KCNIP4: variants seen among roughly 807,000 people sequenced by gnomAD.
KCNIP4 encodes potassium voltage-gated channel interacting protein 4.
KCNIP4 carries 12 observed loss-of-function variants against 34.0 expected under a neutral mutation model. That is an observed-to-expected ratio of 0.35 (90% CI 0.23 to 0.57). The LOEUF (loss-of-function observed/expected upper bound fraction) is 0.57. Ranked by LOEUF, KCNIP4 falls within the 20% of genes least tolerant of loss-of-function variation. The pLI is 0.83. For missense variants in KCNIP4, 238 were observed against 311.7 expected, an observed-to-expected ratio of 0.76 and a Z score of 1.78; for synonymous variants, 124 against 102.2, an observed-to-expected ratio of 1.21 and a Z score of -1.29.
chr4:21,289,380 T>C (rs13147492), intron 1 of KCNIP4, among the ~76,000 whole-genome samples: 37,601 of 152,078 alleles, frequency 0.25, 5,403 homozygotes, highest in South Asian at 0.36. Context: ...TATCAAACAC[T>C]AGATTTTATT....
At chr4:21,370,840 TATATATATATAC>T (rs1232223976) in intron 1 of KCNIP4, among the ~76,000 whole-genome samples, 28 of 28,422 alleles carry the variant, frequency 9.9e-4, no homozygotes, top group African/African-American at 2.8e-3. Context: ...TATATATATA[TATATATATATAC>T]ACACACACAC....
intron 3 of KCNIP4, among the ~76,000 whole-genome samples, chr4:20,832,886 G>A (rs929081107): frequency 2.0e-5 from 3 of 152,166 alleles, no homozygotes; most frequent in Non-Finnish European, 4.4e-5. Context: ...CTGCTCTAGT[G>A]AACTGGTCCT....
chr4:21,622,938 T>C (rs1399156991), intron 1 of KCNIP4, among the ~76,000 whole-genome samples: 1 of 150,442 alleles, frequency 6.6e-6, no homozygotes. Context: ...TCAAATACAA[T>C]AGGTGAAAAT....
In KCNIP4 at chr4:20,892,406, T is replaced by C. The variant is rs542133430; in HGVS notation, c.62-9697A>G. ...ATCTGTCTTTCTGTCTCTGTCTCAC[T>C]CTTTCTTAGTCTTTGTGCCTTTGCT... On this transcript the variant is annotated intron_variant, in intron 1 of 8. Transcript: ENST00000382152. 2.6e-5 allele frequency among the ~76,000 whole-genome samples: 4 copies of C among 152,282 alleles called. No homozygotes were observed. In the South Asian group the frequency reaches 8.3e-4, roughly 32 times the overall value.
chr4:20,955,346 G>A (rs1398822811), intron 1 of KCNIP4, among the ~76,000 whole-genome samples: 1 of 152,214 alleles, frequency 6.6e-6, no homozygotes, highest in African/African-American at 2.4e-5. Flanking sequence ...ACAGAGTACA[G>A]TGGGTCTCTA....
At position 21,710,558 on chromosome 4, in the gene KCNIP4, A is replaced by G. The variant is rs551961049; in HGVS notation, c.61+238013T>C. ...TTGTACTAAAAGCTTTTTTAAATGC[A>G]TGCTGCAAATTCATATGCAGATCCA... is the stretch of plus-strand genomic sequence containing the variant. On this transcript the variant is annotated intron_variant, in intron 1 of 8. Coordinates refer to ENST00000382152, the MANE Select transcript of KCNIP4 (RefSeq NM_025221.6). Among the ~76,000 whole-genome samples the G allele has an allele frequency of 2.6e-5, 4 of 152,306 alleles. No individual in the cohort carries two copies. In the East Asian group the frequency reaches 5.8e-4, roughly 22 times the overall value.
intron 1 of KCNIP4, among the ~76,000 whole-genome samples, chr4:21,684,905 T>C (rs1256065205): frequency 6.6e-6 from 1 of 152,044 alleles, no homozygotes; most frequent in African/African-American, 2.4e-5. Flanking sequence ...AATTGAACAA[T>C]AAAAACAAAC....
chr4:21,447,247 G>T (rs968207959), intron 1 of KCNIP4, among the ~76,000 whole-genome samples: 5 of 152,160 alleles, frequency 3.3e-5, no homozygotes, highest in African/African-American at 1.2e-4. Context: ...GAGACTTGAA[G>T]ATGCTGGCCA....
intron 1 of KCNIP4, among the ~76,000 whole-genome samples, chr4:21,680,678 A>G (rs191071892): frequency 1.1e-3 from 173 of 152,356 alleles, no homozygotes; most frequent in African/African-American, 3.7e-3. Context: ...AGGCATGAAA[A>G]TAACATTAAT....
rs76732044 is a variant in KCNIP4 at position 20,843,452 on chromosome 4, G to A, written c.288+7091C>T. On this transcript the variant is annotated intron_variant, in intron 3 of 8. Coordinates refer to ENST00000382152, the MANE Select transcript of KCNIP4 (RefSeq NM_025221.6). ...TGAGTTTAAAATTTGAAAGAAGGCC[G>A]GGCATAGTGGCTCATGCTTGTAATC... Among the ~76,000 whole-genome samples the A allele has an allele frequency of 2.5e-3, 378 of 152,242 alleles. 1 individual carries two copies. The highest frequency in any genetic ancestry group is 8.6e-3 in the African/African-American group (357 of 41,550).
chr4:21,227,257 A>G (rs762878881), intron 1 of KCNIP4, among the ~76,000 whole-genome samples: 3 of 152,146 alleles, frequency 2.0e-5, no homozygotes, highest in African/African-American at 2.4e-5. Context: ...TGTTGGGTCA[A>G]GGACACCAGG....
intron 1 of KCNIP4, among the ~76,000 whole-genome samples, chr4:21,267,958 A>G (rs34133039): frequency 4.0e-5 from 6 of 151,844 alleles, no homozygotes; most frequent in South Asian, 2.1e-4. Context: ...GGTAGAATTC[A>G]GCTGTGAATC....
chr4:20,899,777 C>A (rs1010274131), intron 1 of KCNIP4, among the ~76,000 whole-genome samples: 1 of 152,126 alleles, frequency 6.6e-6, no homozygotes, highest in South Asian at 2.1e-4. Flanking sequence ...TGCAGATAAA[C>A]TCTGGACATC....
intron 3 of KCNIP4, among the ~76,000 whole-genome samples, chr4:20,818,026 T>A (rs1716626533): frequency 6.6e-6 from 1 of 152,186 alleles, no homozygotes; most frequent in Non-Finnish European, 1.5e-5. Flanking sequence ...CAGGGTTAAC[T>A]GAAAATAAAT....
intron 1 of KCNIP4, among the ~76,000 whole-genome samples, chr4:21,622,306 T>C (rs971881058): frequency 1.3e-5 from 2 of 152,186 alleles, no homozygotes; most frequent in East Asian, 3.9e-4. Flanking sequence ...CTTCTGAGTA[T>C]GTTAATTGAG....
chr4:21,820,086 T>C (rs1480413657), intron 1 of KCNIP4, among the ~76,000 whole-genome samples: 1 of 151,548 alleles, frequency 6.6e-6, no homozygotes, highest in Admixed American at 6.6e-5. Context: ...GGTTAGAAAG[T>C]TAAAAAAATA....
Position 21,834,075 on chromosome 4 carries a change from G to A in KCNIP4, c.61+114496C>T, listed in dbSNP as rs1027389755. ...GCTTAGGATTGACTTGGCTATGTGG[G>A]CTCTTTTTTGGTTCCATATGAACTT... On this transcript the variant is annotated intron_variant, in intron 1 of 8. Transcript: ENST00000382152. Among the ~76,000 whole-genome samples the A allele has an allele frequency of 2.0e-5, 3 of 152,046 alleles. 1 individual carries two copies. The highest frequency in any genetic ancestry group is 7.3e-5 in the African/African-American group (3 of 41,376).
chr4:21,177,878 A>ATATATATATATATATATGT (rs397839047), intron 1 of KCNIP4, among the ~76,000 whole-genome samples: 1 of 145,484 alleles, frequency 6.9e-6, no homozygotes, highest in African/African-American at 2.6e-5. Context: ...ATATATATAT[A>ATATATATATATATATATGT]AAATATAACA....
At chr4:21,256,285 T>C (rs1371672006) in intron 1 of KCNIP4, among the ~76,000 whole-genome samples, 3 of 152,016 alleles carry the variant, frequency 2.0e-5, no homozygotes, top group Non-Finnish European at 4.4e-5. Flanking sequence ...CCAAAGGAGC[T>C]TTCTGAACAG....
Sources: gnomAD v4.1 joint callset for allele counts (sites outside exome capture counted in the v4.1 genomes callset) on GRCh38, gnomAD v4.1.1 for gene constraint, MANE v1.5 for transcripts, NCBI Gene and HGNC (gene_info 2026-07-23, HGNC 2026-07-21) for gene names.